PRR12: variants seen among roughly 807,000 people sequenced by gnomAD.
The protein encoded by PRR12 is proline-rich protein 12.
A neutral mutation model predicts 138.0 loss-of-function variants in PRR12; 12 were observed. That is an observed-to-expected ratio of 0.09 (90% CI 0.06 to 0.14). PRR12 has a LOEUF of 0.14. PRR12 is among the 10% of genes least tolerant of loss of function. The probability of loss-of-function intolerance (pLI) is 1.00; values close to 1 mark genes in which losing one functional copy is unlikely to be tolerated. For synonymous variants in PRR12, 1,567 were observed against 1,291.7 expected, an observed-to-expected ratio of 1.21 and a Z score of -4.57; for missense variants, 2,692 against 2,861.3, an observed-to-expected ratio of 0.94 and a Z score of 1.35.
chr19:49,597,608 C>G lies in PRR12; in HGVS notation c.3273C>G (p.Pro1091=). The G allele has an allele frequency of 6.2e-7, 1 of 1,610,024 alleles. No homozygotes were observed. The highest frequency in any genetic ancestry group is 8.5e-7 in the Non-Finnish European group (1 of 1,178,896). The stretch of plus-strand genomic sequence containing the variant: ...GCCGCGACCCACCCTTCCAGACCCC[C>G]AAGAAGCTGTACGCCCAGGAGTACG... ...LRRRDPPFQT[P]KKLYAQEYEF... The change falls in exon 4 of 14, where the codon CCC becomes CCG. Residue 1091 remains proline (P), a synonymous_variant. Transcript: ENST00000418929. The surrounding 1 kb of genome is among the most constrained non-coding windows in gnomAD (Gnocchi z 6.3).
chr19:49,620,947 C>A (rs1242932995), intron 10 of PRR12, among the ~76,000 whole-genome samples: 3 of 115,778 alleles, frequency 2.6e-5, no homozygotes, highest in African/African-American at 1.0e-4. Context: ...GAAGGAGGGA[C>A]TGGGGCCTGG....
Position 49,594,240 on chromosome 19 carries a change from C to T in PRR12, c.200-214C>T, listed in dbSNP as rs2080748905. On this transcript the variant is annotated intron_variant, in intron 2 of 13. Transcript: ENST00000418929. The surrounding 1 kb of genome is among the most constrained non-coding windows in gnomAD (Gnocchi z 5.6). Reference sequence around the variant, plus strand: ...CCCCCTGTCCTTATGACTGGATTGCCCCTTGTCTTGCTTTACTGTCTCACC... The same window carrying T: ...CCCCCTGTCCTTATGACTGGATTGCTCCTTGTCTTGCTTTACTGTCTCACC... Among the ~76,000 whole-genome samples the T allele has an allele frequency of 6.6e-6, 1 of 152,098 alleles. No homozygotes were observed. Among genetic ancestry groups the T allele is most frequent in the Non-Finnish European group, 1.5e-5 (1 of 68,018 alleles).
intron 11 of PRR12, 58 bp from the exon 12 acceptor site, chr19:49,624,786 T>A: frequency 6.3e-7 from 1 of 1,577,116 alleles, no homozygotes; most frequent in Non-Finnish European, 8.6e-7. Flanking sequence ...ACCTGGCTGT[T>A]GGGTTTGGGG....
At chr19:49,618,393 C>CT (rs970332162) in intron 9 of PRR12, among the ~76,000 whole-genome samples, 146 of 148,308 alleles carry the variant, frequency 9.8e-4, no homozygotes, top group East Asian at 4.3e-3. Context: ...CTTTTCTTTT[C>CT]TTTTTTTTTT....
At position 49,591,598 on chromosome 19, in the gene PRR12, C is replaced by A. The variant is rs1002996635; in HGVS notation, c.-57C>A. The A allele has an allele frequency of 1.9e-4, 84 of 443,282 alleles. No homozygotes were observed. The highest frequency in any genetic ancestry group is 3.0e-4 in the Non-Finnish European group (73 of 239,684). The allele number at this position is 443,282 out of a possible 1,614,324, so 27.5% of individuals were successfully genotyped here. On this transcript the variant is annotated 5_prime_UTR_variant, in exon 1 of 14. Coordinates refer to ENST00000418929, the MANE Select transcript of PRR12 (RefSeq NM_020719.3). ...GCGGCGGCGGAGGAGAGCGCGCGCG[C>A]GCCCCCTCCCTCCCTCCCTCCCTCC...
chr19:49,610,549 T>A (rs574781604), intron 6 of PRR12, among the ~76,000 whole-genome samples: 1 of 145,094 alleles, frequency 6.9e-6, no homozygotes, highest in Admixed American at 6.8e-5. Context: ...TGTTCCTATT[T>A]TTTTTTTTTT....
rs754460899 is a variant in PRR12 at position 49,601,636 on chromosome 19, G to A, written c.4491G>A (p.Pro1497=). 9.1e-6 allele frequency: 14 copies of A among 1,533,458 alleles called. No individual in the cohort carries two copies. Among genetic ancestry groups the A allele is most frequent in the African/African-American group, 7.0e-5 (5 of 71,504 alleles). The allele number at this position is 1,533,458 out of a possible 1,614,324, so 95.0% of individuals were successfully genotyped here. ...TGGCCCCCACGCCCAGCTCACCACC[G>A]CCACCGCCGCTGCCGCCGCCACCTC... ...PLVAPTPSSP[P]PPPLPPPPPP... The change falls in exon 6 of 14, where the codon CCG becomes CCA. Residue 1497 remains proline (P), a synonymous_variant. Coordinates refer to ENST00000418929, the MANE Select transcript of PRR12 (RefSeq NM_020719.3).
chr19:49,619,328 C>T lies in PRR12; in HGVS notation c.5498-1024C>T, dbSNP rs1319494991. On this transcript the variant is annotated intron_variant, in intron 9 of 13. Transcript: ENST00000418929. ...TCAGCTCACCGCAACCTCTGCCTCC[C>T]GGGTTCAAGCGATTCTCCTGCCTCA... 6.0e-5 allele frequency among the ~76,000 whole-genome samples: 9 copies of T among 150,666 alleles called. No homozygotes were observed. In the South Asian group the frequency reaches 1.5e-3, roughly 25 times the overall value.
intron 6 of PRR12, among the ~76,000 whole-genome samples, chr19:49,606,960 T>C (rs1032956741): frequency 6.6e-6 from 1 of 151,966 alleles, no homozygotes; most frequent in Non-Finnish European, 1.5e-5. Context: ...GAGCCATATA[T>C]GTGATTTTAA....
At chr19:49,624,416 A>G (rs1310117993) in intron 11 of PRR12, among the ~76,000 whole-genome samples, 162 of 134,608 alleles carry the variant, frequency 1.2e-3, no homozygotes, top group African/African-American at 2.6e-3. Context: ...GATGGGGCTG[A>G]GAATTCTGGG....
intron 4 of PRR12, among the ~76,000 whole-genome samples, 185 bp downstream of exon 4, chr19:49,598,198 C>G (rs1379669581): frequency 6.6e-6 from 1 of 152,122 alleles, no homozygotes; most frequent in African/African-American, 2.4e-5. Context: ...CTCAGCCTCC[C>G]GAGTAGCTGG....
intron 11 of PRR12, among the ~76,000 whole-genome samples, chr19:49,622,334 A>C (rs1599804683): frequency 6.6e-6 from 1 of 152,238 alleles, no homozygotes; most frequent in Non-Finnish European, 1.5e-5. Flanking sequence ...TGATCCTAGC[A>C]CTTTGGGAAG....
chr19:49,608,995 G>A (rs143978218), intron 6 of PRR12, among the ~76,000 whole-genome samples: 21 of 152,270 alleles, frequency 1.4e-4, no homozygotes, highest in East Asian at 1.9e-4. Flanking sequence ...GCTGGGCAGC[G>A]TGTATACTCC....
chr19:49,624,445 G>A (rs1311398098), intron 11 of PRR12, among the ~76,000 whole-genome samples: 1 of 149,298 alleles, frequency 6.7e-6, no homozygotes, highest in African/African-American at 2.5e-5. Flanking sequence ...TTAGGATGGT[G>A]CTGAAAATTT....
rs1364167499 is a variant in PRR12, at chr19:49,616,259, G to T, written c.5497+40G>T. ...AGCCTCAGGGCTGCAGGGGTGGGTGGGGAAGGGACACAGGTGAGGGCTGTC... is the reference window on the plus strand; with the variant it reads ...AGCCTCAGGGCTGCAGGGGTGGGTGTGGAAGGGACACAGGTGAGGGCTGTC... On this transcript the variant is annotated intron_variant, in intron 9 of 13. Transcript: ENST00000418929. The surrounding 1 kb of genome is among the most constrained non-coding windows in gnomAD (Gnocchi z 4.2). 2.7e-6 allele frequency: 4 copies of T among 1,470,958 alleles called. No homozygotes were observed. The South Asian group carries it at 4.2e-5, about 15-fold the overall frequency. The allele number at this position is 1,470,958 out of a possible 1,614,324, so 91.1% of individuals were successfully genotyped here. A position where few individuals can be genotyped will look rare whatever the true frequency, so the allele number is the denominator to read the frequency against.
Position 49,625,020 on chromosome 19 carries a change from G to T in PRR12, c.5868+30G>T. The T allele has an allele frequency of 6.2e-7, 1 of 1,609,676 alleles. No homozygotes were observed. Among genetic ancestry groups the T allele is most frequent in the Non-Finnish European group, 8.5e-7 (1 of 1,177,130 alleles). ...GCACTGGGGCTGGGGCTGGGAGTGG[G>T]GAGTGCTGGCGGTATGTGGGAAGGG... On this transcript the variant is annotated intron_variant, in intron 12 of 13. Transcript: ENST00000418929. The surrounding 1 kb of genome is among the most constrained non-coding windows in gnomAD (Gnocchi z 5.5).
intron 2 of PRR12, 97 bp downstream of exon 2, chr19:49,593,536 T>C: frequency 1.6e-6 from 1 of 627,440 alleles, no homozygotes; most frequent in Non-Finnish European, 2.8e-6. Flanking sequence ...TAATTGGCCG[T>C]GGCCCGTGCC....
At chr19:49,615,661 G>C (rs1359720293) in intron 8 of PRR12, 86 bp from the exon 9 acceptor site, 1 of 1,107,926 alleles carries the variant, frequency 9.0e-7, no homozygotes, top group South Asian at 1.5e-5. Flanking sequence ...AGCTATTCCT[G>C]TGCCTAGGGC....
At chr19:49,622,688 G>A (rs1301885418) in intron 11 of PRR12, among the ~76,000 whole-genome samples, 23 of 149,234 alleles carry the variant, frequency 1.5e-4, no homozygotes, top group African/African-American at 4.7e-4. Context: ...TCAGGAGATC[G>A]AGACCATCCT....
Sources: allele counts gnomAD v4.1 joint callset (sites outside exome capture counted in the v4.1 genomes callset), GRCh38; gene constraint gnomAD v4.1.1; non-coding constraint Gnocchi (gnomAD v3.1); transcripts MANE v1.5; gene names NCBI Gene and HGNC (gene_info 2026-07-23, HGNC 2026-07-21).